PRKACB: variants seen among roughly 807,000 people sequenced by gnomAD.
The protein encoded by PRKACB is cAMP-dependent protein kinase catalytic subunit beta.
PRKACB carries 16 observed loss-of-function variants against 51.4 expected under a neutral mutation model. The observed-to-expected ratio is 0.31, with a 90% CI of 0.21 to 0.47. PRKACB has a LOEUF of 0.47. Ranked by LOEUF, PRKACB falls within the 20% of genes least tolerant of loss-of-function variation. PRKACB has a pLI of 1.00. For missense variants in PRKACB, 309 were observed against 464.5 expected, an observed-to-expected ratio of 0.67 and a Z score of 3.08; for synonymous variants, 147 against 154.4, an observed-to-expected ratio of 0.95 and a Z score of 0.35.
chr1:84,155,339 G>C (rs1571866166), intron 1 of PRKACB, among the ~76,000 whole-genome samples: 1 of 152,084 alleles, frequency 6.6e-6, no homozygotes, highest in Non-Finnish European at 1.5e-5. Context: ...TTGTACACTG[G>C]AAACTGTAAG....
intron 9 of PRKACB, among the ~76,000 whole-genome samples, chr1:84,229,708 T>C (rs1339737825): frequency 1.3e-5 from 2 of 150,408 alleles, no homozygotes; most frequent in East Asian, 3.9e-4. Flanking sequence ...TTTCATGTGT[T>C]TTTTGGCTGC....
rs923525424 is a variant in PRKACB at position 84,144,368 on chromosome 1, G to C, written c.7G>C (p.Ala3Pro). The stretch of plus-strand genomic sequence containing the variant: ...AAAGTGTAAATGCACATGAATGGCA[G>C]CTTATAGAGAACCACCTTGTAACCA... MA[A>P]YREPPCNQYT... The change falls in exon 1 of 10, where the codon GCT becomes CCT. Residue 3 changes from alanine (A) to proline (P), a missense_variant. This residue lies in a region of PRKACB where 153 missense variants were observed against 190.2 expected (regional missense o/e 0.80). Coordinates refer to ENST00000370685, the MANE Select transcript of PRKACB (RefSeq NM_182948.4). 1 of 1,609,956 alleles carries C rather than the reference G, an allele frequency of 6.2e-7. No homozygotes were observed. Among genetic ancestry groups the C allele is most frequent in the Non-Finnish European group, 8.5e-7 (1 of 1,178,502 alleles).
At chr1:84,182,945 C>T (rs1663992989) in intron 3 of PRKACB, among the ~76,000 whole-genome samples, 1 of 151,904 alleles carries the variant, frequency 6.6e-6, no homozygotes, top group Non-Finnish European at 1.5e-5. Context: ...TTTTGAAAAC[C>T]TGAGGCCCAA....
intron 1 of PRKACB, among the ~76,000 whole-genome samples, chr1:84,138,793 A>G (rs370061647): frequency 1.1e-3 from 161 of 152,332 alleles, no homozygotes; most frequent in African/African-American, 3.8e-3. Flanking sequence ...GTAAAATATT[A>G]GTAAGTTGAA....
chr1:84,232,374 G>A (rs1158492737), intron 9 of PRKACB, among the ~76,000 whole-genome samples: 17 of 152,102 alleles, frequency 1.1e-4, no homozygotes, highest in Admixed American at 9.8e-4. Flanking sequence ...GTGTGGTGTG[G>A]TGCTGAAAAA....
intron 1 of PRKACB, among the ~76,000 whole-genome samples, chr1:84,084,023 A>G (rs770403406): frequency 1.7e-4 from 26 of 152,196 alleles, no homozygotes; most frequent in Non-Finnish European, 1.3e-4. Flanking sequence ...GTCAGCAAAC[A>G]CATGAAACCT....
At position 84,214,149 on chromosome 1, in the gene PRKACB, G is replaced by A. The variant is rs940296892; in HGVS notation, c.907-4G>A. ...GTGTTTTACCAAATGGTGTGTTTGT[G>A]TAGGTCCGATTCCCATCCCACTTCA... On this transcript the variant is annotated splice_polypyrimidine_tract_variant and splice_region_variant and intron_variant, in intron 8 of 9. Coordinates refer to ENST00000370685, the MANE Select transcript of PRKACB (RefSeq NM_182948.4). 6.2e-7 allele frequency: 1 copy of A among 1,604,210 alleles called. No individual in the cohort carries two copies. The highest frequency in any genetic ancestry group is 8.5e-7 in the Non-Finnish European group (1 of 1,176,446).
intron 1 of PRKACB, among the ~76,000 whole-genome samples, chr1:84,149,179 A>G (rs540715832): frequency 3.9e-5 from 6 of 152,310 alleles, no homozygotes; most frequent in African/African-American, 1.2e-4. Flanking sequence ...AAAAAAGTAT[A>G]CATAATTCTG....
At chr1:84,222,269 A>C (rs1408849925) in intron 9 of PRKACB, among the ~76,000 whole-genome samples, 3 of 152,020 alleles carry the variant, frequency 2.0e-5, no homozygotes, top group Non-Finnish European at 1.5e-5. Context: ...CATTTGTATG[A>C]AATCTTTTTC....
At chr1:84,175,025 G>A (rs767024665) in intron 1 of PRKACB, 1 of 1,470,296 alleles carries the variant, frequency 6.8e-7, no homozygotes, top group Non-Finnish European at 9.0e-7. Context: ...TTATTTTTTG[G>A]ACACAAGCTT....
intron 8 of PRKACB, 144 bp from the exon 9 acceptor site, chr1:84,214,009 G>T: frequency 1.4e-6 from 1 of 735,924 alleles, no homozygotes; most frequent in Non-Finnish European, 2.0e-6. Flanking sequence ...ACTGTAACAT[G>T]TAGTTAAAAG....
intron 8 of PRKACB, among the ~76,000 whole-genome samples, chr1:84,207,465 C>T (rs553800798): frequency 9.9e-5 from 15 of 152,200 alleles, no homozygotes; most frequent in Non-Finnish European, 2.1e-4. Flanking sequence ...ACATGCCTAG[C>T]GTATGAAAAG....
intron 9 of PRKACB, among the ~76,000 whole-genome samples, chr1:84,229,929 T>G (rs1675317312): frequency 6.6e-6 from 1 of 151,938 alleles, no homozygotes; most frequent in African/African-American, 2.4e-5. Context: ...AGAAGCTCTT[T>G]AGTTTAATTA....
intron 1 of PRKACB, among the ~76,000 whole-genome samples, chr1:84,103,321 C>T (rs951227864): frequency 3.3e-5 from 5 of 151,530 alleles, no homozygotes; most frequent in African/African-American, 9.7e-5. Context: ...GAGGCTCTGT[C>T]CTCTTTTAAG....
Position 84,121,165 on chromosome 1 carries a change from T to C in PRKACB, c.46+42794T>C, listed in dbSNP as rs6689885. 3.1e-3 allele frequency among the ~76,000 whole-genome samples: 476 copies of C among 152,218 alleles called. 5 individuals carry two copies. Among genetic ancestry groups the C allele is most frequent in the African/African-American group, 0.011 (455 of 41,582 alleles). On this transcript the variant is annotated intron_variant, in intron 1 of 8. Coordinates refer to the PRKACB transcript ENST00000370688. ...GAAACAACATGCCTATTCATTATTTTTATTTGGAATTTTTCCTTTTTTCAT... is the reference window on the plus strand; with the variant it reads ...GAAACAACATGCCTATTCATTATTTCTATTTGGAATTTTTCCTTTTTTCAT...
intron 5 of PRKACB, among the ~76,000 whole-genome samples, chr1:84,187,111 C>G (rs2101050579): frequency 6.6e-6 from 1 of 152,230 alleles, no homozygotes; most frequent in South Asian, 2.1e-4. Context: ...CTGGTGAGAC[C>G]TGCTATAGCC....
In PRKACB at chr1:84,237,372, C is replaced by T. The variant is rs1399365451; in HGVS notation, c.*2067C>T. 3 of 152,442 alleles carry T rather than the reference C, an allele frequency of 2.0e-5. No homozygotes were observed. Among genetic ancestry groups the T allele is most frequent in the African/African-American group, 7.2e-5 (3 of 41,428 alleles). The allele number at this position is 152,442 out of a possible 1,614,324, so 9.4% of individuals were successfully genotyped here. A position where few individuals can be genotyped will look rare whatever the true frequency, so the allele number is the denominator to read the frequency against. On this transcript the variant is annotated 3_prime_UTR_variant, in exon 10 of 10. Transcript: ENST00000370685. ...TTATTTTAATAAGTCATGGGGATGA[C>T]AATTTGATTATTACAATTTAGTTTT... is the stretch of plus-strand genomic sequence containing the variant.
chr1:84,214,051 T>A, intron 8 of PRKACB, 102 bp from the exon 9 acceptor site: 1 of 1,233,520 alleles, frequency 8.1e-7, no homozygotes, highest in Non-Finnish European at 1.1e-6. Flanking sequence ...TATTTTTGTT[T>A]ATATAATGGC....
At chr1:84,199,907 G>A (rs553866017) in intron 7 of PRKACB, among the ~76,000 whole-genome samples, 21 of 152,088 alleles carry the variant, frequency 1.4e-4, no homozygotes, top group Middle Eastern at 3.4e-3. Context: ...GTGCAGTGGC[G>A]TGATCTCGGT....
Sources: gnomAD v4.1 joint callset for allele counts (sites outside exome capture counted in the v4.1 genomes callset) on GRCh38, gnomAD v4.1.1 for gene constraint, gnomAD v4.1.1 regional missense constraint, MANE v1.5 for transcripts, NCBI Gene and HGNC (gene_info 2026-07-23, HGNC 2026-07-21) for gene names.